FANCI: variants seen among roughly 807,000 people sequenced by gnomAD.
The protein encoded by FANCI is FA complementation group I.
In FANCI, 156 loss-of-function variants were observed where a neutral mutation model predicts 176.1. The ratio of observed to expected loss-of-function variants is 0.89; its 90% CI spans 0.78 to 1.01. The LOEUF (loss-of-function observed/expected upper bound fraction) is 1.01. Among genes scored for constraint, FANCI ranks in the 50% least tolerant of loss-of-function variants. The probability of loss-of-function intolerance (pLI) is 0.00; values close to 1 mark genes in which losing one functional copy is unlikely to be tolerated. For synonymous variants in FANCI, 613 were observed against 541.7 expected (o/e 1.13, Z -1.83); for missense variants, 1,678 against 1,534.1 (o/e 1.09, Z -1.57).
At position 89,292,619 on chromosome 15, in the gene FANCI, G is replaced by A. The variant is rs954594030; in HGVS notation, c.1993-69G>A. The A allele has an allele frequency of 2.0e-6, 3 of 1,475,362 alleles. No homozygotes were observed. In the African/African-American group the frequency reaches 4.2e-5, roughly 20 times the overall value. The allele number at this position is 1,475,362 out of a possible 1,614,324, so 91.4% of individuals were successfully genotyped here. A position where few individuals can be genotyped will look rare whatever the true frequency, so the allele number is the denominator to read the frequency against. On this transcript the variant is annotated intron_variant, in intron 20 of 37. Coordinates refer to ENST00000310775, the MANE Select transcript of FANCI (RefSeq NM_001113378.2). ...CCTTATAGATAAGAATTATTTGCTGGTTATGAACAACTTTATAAGTTATCC... is the reference window on the plus strand; with the variant it reads ...CCTTATAGATAAGAATTATTTGCTGATTATGAACAACTTTATAAGTTATCC...
intron 17 of FANCI, 84 bp from the exon 18 acceptor site, chr15:89,285,012 T>C (rs1459753366): frequency 1.3e-6 from 2 of 1,592,756 alleles, no homozygotes; most frequent in East Asian, 4.5e-5. Flanking sequence ...CTAAGTTTTT[T>C]CGACCAAGAA....
Position 89,295,076 on chromosome 15 carries a change from A to T in FANCI, c.2618A>T (p.Asn873Ile). 6.4e-7 allele frequency: 1 copy of T among 1,551,778 alleles called. No homozygotes were observed. Among genetic ancestry groups the T allele is most frequent in the Non-Finnish European group, 8.7e-7 (1 of 1,147,006 alleles). The change falls in exon 24 of 38, where the codon AAC becomes ATC. Residue 873 changes from asparagine to isoleucine, a missense_variant. Asn to Ile is a moderately radical substitution (Grantham distance 149). This residue lies in a region of FANCI where 1,204 missense variants were observed against 1,077.4 expected (regional missense o/e 1.12). Transcript: ENST00000310775. ...DGQNPEKIFQ[N>I]LCDITRVLLW... ...CAAAACCCAGAAAAGATCTTTCAGA[A>T]CCTCTGTGACATAACTCGGTAAGCC...
chr15:89,280,472 C>T (rs763315479), intron 14 of FANCI, among the ~76,000 whole-genome samples: 27 of 152,172 alleles, frequency 1.8e-4, no homozygotes, highest in Non-Finnish European at 3.5e-4. Flanking sequence ...CTTAAACTTA[C>T]CTTTCTCATA....
rs1567151774 is a variant in FANCI at position 89,273,426 on chromosome 15, C to T, written c.932C>T (p.Ala311Val). The change falls in exon 11 of 38, where the codon GCT becomes GTT. Residue 311 changes from alanine (A) to valine (V), a missense_variant. Ala to Val is a moderately conservative substitution (Grantham distance 64). Around this residue, in one of 3 missense-constraint regions of FANCI, gnomAD observed 469 missense variants for 436.9 expected, o/e 1.07. Coordinates refer to ENST00000310775, the MANE Select transcript of FANCI (RefSeq NM_001113378.2). ...SNNNLSPFSI[A>V]LLLSVTRIQR... ...AATAACTTAAGTCCCTTCAGCATTG[C>T]TCTTCTTCTGTCTGTAACAAGAATA... 1.9e-6 allele frequency: 3 copies of T among 1,606,708 alleles called. No homozygotes were observed. Among genetic ancestry groups the T allele is most frequent in the East Asian group, 2.2e-5 (1 of 44,704 alleles).
chr15:89,294,815 G>C, intron 23 of FANCI, 100 bp from the exon 24 acceptor site: 1 of 1,278,538 alleles, frequency 7.8e-7, no homozygotes, highest in Non-Finnish European at 1.1e-6. Context: ...AGCTCTGTTG[G>C]GTGCTGCTGT....
At chr15:89,292,524 CAATT>C (rs1474514962) in intron 20 of FANCI, among the ~76,000 whole-genome samples, 160 bp from the exon 21 acceptor site, 1 of 152,146 alleles carries the variant, frequency 6.6e-6, no homozygotes, top group African/African-American at 2.4e-5. Context: ...TGCTGCTGTT[CAATT>C]AATTTTCCCA....
chr15:89,302,630 G>GT (rs1288334850), intron 27 of FANCI, among the ~76,000 whole-genome samples: 1 of 150,242 alleles, frequency 6.7e-6, no homozygotes, highest in Non-Finnish European at 1.5e-5. Context: ...CTGGAGTGTA[G>GT]TGGCGCCATC....
In FANCI at chr15:89,293,960, A is replaced by G. The variant is rs750348956; in HGVS notation, c.2419A>G (p.Met807Val). ...CAAGACAAGTGATAGTCTTTTGTCC[A>G]TGAAATTTGTGTCCAGTCTTCTCAC... ...ANKTSDSLLS[M>V]KFVSSLLTAL... The change falls in exon 23 of 38, where the codon ATG becomes GTG. Residue 807 changes from methionine to valine, a missense_variant. Met to Val is a conservative substitution (Grantham distance 21). Transcript: ENST00000310775. 37 of 1,614,104 alleles carry G rather than the reference A, an allele frequency of 2.3e-5. No homozygotes were observed. The highest frequency in any genetic ancestry group is 4.5e-5 in the East Asian group (2 of 44,882).
chr15:89,316,673 AGCT>A lies in FANCI; in HGVS notation c.*216_*218del. 7.6e-7 allele frequency: 1 copy of A among 1,318,140 alleles called. No individual in the cohort carries two copies. Among genetic ancestry groups the A allele is most frequent in the Non-Finnish European group, 1.1e-6 (1 of 913,664 alleles). 81.7% of individuals were successfully genotyped at this position (1,318,140 alleles called of 1,614,324 possible). A position where few individuals can be genotyped will look rare whatever the true frequency, so the allele number is the denominator to read the frequency against. On this transcript the variant is annotated 3_prime_UTR_variant, in exon 38 of 38. Transcript: ENST00000310775. ...AGGCAAGCCCTTTTGCAAAAAGCAC[AGCT>A]GAAAGCCTGAGTTTGGGAGCCTGCA...
At chr15:89,290,987 A>G (rs1237514077) in intron 19 of FANCI, among the ~76,000 whole-genome samples, 2 of 152,212 alleles carry the variant, frequency 1.3e-5, no homozygotes, top group Non-Finnish European at 2.9e-5. Context: ...TCAAACTGTA[A>G]TCAACACATC....
At chr15:89,312,081 C>A (rs1242813669) in intron 34 of FANCI, among the ~76,000 whole-genome samples, 1 of 152,136 alleles carries the variant, frequency 6.6e-6, no homozygotes, top group Non-Finnish European at 1.5e-5. Flanking sequence ...CATGATAACC[C>A]ATTGCACATA....
At chr15:89,287,545 T>C (rs74349070) in intron 18 of FANCI, among the ~76,000 whole-genome samples, 3,382 of 152,310 alleles carry the variant, frequency 0.022, 123 homozygotes, top group African/African-American at 0.078. Context: ...ACTTTAAATT[T>C]CCTTTAAGAG....
At chr15:89,313,073 C>A in intron 35 of FANCI, 101 bp downstream of exon 35, 1 of 1,131,104 alleles carries the variant, frequency 8.8e-7, no homozygotes. Context: ...TGTATGATTC[C>A]ATTTTCATGA....
rs750348956 is a variant in FANCI, at chr15:89,293,960, A to T, written c.2419A>T (p.Met807Leu). ...CAAGACAAGTGATAGTCTTTTGTCC[A>T]TGAAATTTGTGTCCAGTCTTCTCAC... ...ANKTSDSLLS[M>L]KFVSSLLTAL... The change falls in exon 23 of 38, where the codon ATG (methionine) becomes TTG (leucine). Residue 807 changes from methionine to leucine, a missense_variant. Coordinates refer to ENST00000310775, the MANE Select transcript of FANCI (RefSeq NM_001113378.2). 6.2e-7 allele frequency: 1 copy of T among 1,614,222 alleles called. No individual in the cohort carries two copies. The highest frequency in any genetic ancestry group is 1.1e-5 in the South Asian group (1 of 91,088).
chr15:89,250,565 G>T, intron 2 of FANCI, among the ~76,000 whole-genome samples: 1 of 123,182 alleles, frequency 8.1e-6, no homozygotes. Context: ...GGAGGGGGGA[G>T]GGATAGCATT....
chr15:89,264,417 T>C, intron 8 of FANCI, 105 bp from the exon 9 acceptor site: 4 of 904,144 alleles, frequency 4.4e-6, no homozygotes, highest in Non-Finnish European at 7.2e-6. Context: ...AGATTATTTA[T>C]TTAAATTTGT....
intron 26 of FANCI, 58 bp from the exon 27 acceptor site, chr15:89,301,268 C>T (rs1401242948): frequency 7.9e-6 from 9 of 1,145,300 alleles, no homozygotes; most frequent in African/African-American, 1.5e-5. Flanking sequence ...GATGCCTCTT[C>T]TTCCTGATAG....
intron 34 of FANCI, 143 bp from the exon 35 acceptor site, chr15:89,312,761 G>A: frequency 1.5e-6 from 1 of 665,470 alleles, no homozygotes; most frequent in East Asian, 2.7e-5. Flanking sequence ...AGAGGTTACA[G>A]TGGGTCGACA....
At chr15:89,315,538 A>C in intron 37 of FANCI, 149 bp downstream of exon 37, 1 of 682,314 alleles carries the variant, frequency 1.5e-6, no homozygotes, top group South Asian at 1.6e-5. Flanking sequence ...GACTCTCAGA[A>C]GGGTTGTAAA....
Sources: allele counts gnomAD v4.1 joint callset (sites outside exome capture counted in the v4.1 genomes callset), GRCh38; gene constraint gnomAD v4.1.1; regional missense constraint gnomAD v4.1.1; transcripts MANE v1.5; gene names NCBI Gene and HGNC (gene_info 2026-07-23, HGNC 2026-07-21).